Variants in TMEM132C observed in about 807,000 individuals in gnomAD.
TMEM132C encodes the protein transmembrane protein 132C.
A neutral mutation model predicts 61.4 loss-of-function variants in TMEM132C; 29 were observed. That is an observed-to-expected ratio of 0.47 (90% confidence interval 0.35 to 0.64). The LOEUF is 0.64. Among genes scored for constraint, TMEM132C ranks in the 30% least tolerant of loss-of-function variants. The pLI is 0.00. For missense variants in TMEM132C, 1,408 were observed against 1,476.9 expected (o/e 0.95, Z 0.76); for synonymous variants, 656 against 633.1 (o/e 1.04, Z -0.54).
chr12:128,300,046 A>G (rs1307575585), intron 1 of TMEM132C, among the ~76,000 whole-genome samples: 1 of 152,194 alleles, frequency 6.6e-6, no homozygotes, highest in Non-Finnish European at 1.5e-5. Flanking sequence ...AAAACTCAAG[A>G]CAGGTAAGAG....
At chr12:128,693,642 T>A (rs1269614528) in intron 5 of TMEM132C, among the ~76,000 whole-genome samples, 187 bp from the exon 6 acceptor site, 1 of 152,206 alleles carries the variant, frequency 6.6e-6, no homozygotes. Flanking sequence ...ATCTGCTCCT[T>A]CACCCCTGCT....
At position 128,557,508 on chromosome 12, in the gene TMEM132C, C is replaced by A. The variant is rs1391977878; in HGVS notation, c.1121+13405C>A. Among the ~76,000 whole-genome samples, 3 of 152,176 alleles carry A rather than the reference C, an allele frequency of 2.0e-5. No individual in the cohort carries two copies. In the East Asian group the frequency reaches 5.8e-4, roughly 29 times the overall value. On this transcript the variant is annotated intron_variant, in intron 3 of 8. Coordinates refer to ENST00000435159, the MANE Select transcript of TMEM132C (RefSeq NM_001136103.3). Reference sequence around the variant, plus strand: ...CAGAACTAATGTCTCGCCTTAGAGACCCTGCCTTACCAAGAGGCACAGGTG... The same window carrying A: ...CAGAACTAATGTCTCGCCTTAGAGAACCTGCCTTACCAAGAGGCACAGGTG...
At chr12:128,456,773 T>G (rs574871167) in intron 2 of TMEM132C, among the ~76,000 whole-genome samples, 1 of 152,232 alleles carries the variant, frequency 6.6e-6, no homozygotes, top group East Asian at 1.9e-4. Flanking sequence ...ATAGAACAAT[T>G]TCATTATTCC....
chr12:128,308,329 C>A (rs1325427168), intron 1 of TMEM132C, among the ~76,000 whole-genome samples: 3 of 150,796 alleles, frequency 2.0e-5, no homozygotes, highest in African/African-American at 7.3e-5. Context: ...TGAATCTTAT[C>A]AAACATATCA....
At chr12:128,544,198 G>A (rs1445928431) in intron 3 of TMEM132C, 95 bp downstream of exon 3, 13 of 1,403,262 alleles carry the variant, frequency 9.3e-6, no homozygotes, top group Admixed American at 3.2e-5. Context: ...CGCGTGAGCG[G>A]CTGCTCAGAG....
intron 1 of TMEM132C, among the ~76,000 whole-genome samples, chr12:128,395,850 A>C (rs1251588751): frequency 6.6e-6 from 1 of 152,176 alleles, no homozygotes; most frequent in Non-Finnish European, 1.5e-5. Context: ...ATTATGAGCC[A>C]GGATGGGAAG....
At chr12:128,696,405 A>C (rs1279901055) in intron 7 of TMEM132C, among the ~76,000 whole-genome samples, 2 of 152,012 alleles carry the variant, frequency 1.3e-5, no homozygotes, top group African/African-American at 4.8e-5. Flanking sequence ...ACACTTTTCT[A>C]ACTTTTTCCC....
At chr12:128,511,238 G>C (rs1489904089) in intron 2 of TMEM132C, among the ~76,000 whole-genome samples, 1 of 152,216 alleles carries the variant, frequency 6.6e-6, no homozygotes, top group African/African-American at 2.4e-5. Context: ...GAATGCAGCT[G>C]CTGTCATTCG....
chr12:128,654,645 G>A (rs1017183241), intron 4 of TMEM132C, among the ~76,000 whole-genome samples: 13 of 152,206 alleles, frequency 8.5e-5, no homozygotes, highest in African/African-American at 1.9e-4. Context: ...CAGGATCTCC[G>A]AGCTAACTAG....
rs1793397627 is a variant in TMEM132C at position 128,278,233 on chromosome 12, C to T, written c.85+10746C>T. On this transcript the variant is annotated intron_variant, in intron 1 of 8. Coordinates refer to ENST00000435159, the MANE Select transcript of TMEM132C (RefSeq NM_001136103.3). The surrounding 1 kb of genome is among the most constrained non-coding windows in gnomAD (Gnocchi z 4.2). ...CTGCTCCGGCTTTGTTCCCTCTTTC[C>T]TGCCTCCTAAATGGCAATAGGTTCT... Among the ~76,000 whole-genome samples, 1 of 152,286 alleles carries T rather than the reference C, an allele frequency of 6.6e-6. No individual in the cohort carries two copies. Among genetic ancestry groups the T allele is most frequent in the Admixed American group, 6.5e-5 (1 of 15,304 alleles).
intron 2 of TMEM132C, among the ~76,000 whole-genome samples, chr12:128,487,664 C>T (rs886835321): frequency 2.0e-5 from 3 of 150,624 alleles, no homozygotes; most frequent in African/African-American, 4.9e-5. Flanking sequence ...CAGGCACACA[C>T]GTGAAAGACG....
chr12:128,286,696 T>C (rs1293630617), intron 1 of TMEM132C, among the ~76,000 whole-genome samples: 2 of 152,160 alleles, frequency 1.3e-5, no homozygotes, highest in Non-Finnish European at 2.9e-5. Context: ...ATACTAGAAG[T>C]GGCTCAGTTT....
At chr12:128,545,853 C>A (rs1053631418) in intron 3 of TMEM132C, among the ~76,000 whole-genome samples, 1 of 152,110 alleles carries the variant, frequency 6.6e-6, no homozygotes, top group African/African-American at 2.4e-5. Context: ...GGATTCAAAA[C>A]GTAAGATTAT....
chr12:128,396,885 A>T (rs1339075627), intron 1 of TMEM132C, among the ~76,000 whole-genome samples: 1 of 152,184 alleles, frequency 6.6e-6, no homozygotes. Context: ...TGCTGTGTTC[A>T]GGCAGTTTAC....
intron 2 of TMEM132C, among the ~76,000 whole-genome samples, chr12:128,489,582 T>TATATATATATATATATATATATA (rs1565951312): frequency 2.0e-5 from 3 of 149,924 alleles, no homozygotes; most frequent in Admixed American, 1.3e-4. Context: ...TATATATATA[T>TATATATATATATATATATATATA]TCTGTCCACA....
At chr12:128,615,264 T>C (rs1418729848) in intron 3 of TMEM132C, among the ~76,000 whole-genome samples, 1 of 152,166 alleles carries the variant, frequency 6.6e-6, no homozygotes, top group East Asian at 1.9e-4. Context: ...ACCAGTTTCA[T>C]GGAAGACAAT....
intron 2 of TMEM132C, among the ~76,000 whole-genome samples, chr12:128,527,854 C>G (rs1354671428): frequency 6.6e-6 from 1 of 152,122 alleles, no homozygotes; most frequent in Non-Finnish European, 1.5e-5. Context: ...GGATCAACCA[C>G]TCACTCTTTC....
chr12:128,340,504 G>T (rs1318055479), intron 1 of TMEM132C, among the ~76,000 whole-genome samples: 1 of 151,828 alleles, frequency 6.6e-6, no homozygotes, highest in Non-Finnish European at 1.5e-5. Context: ...GTAAGACCAG[G>T]GTGATACATA....
At chr12:128,390,686 G>A (rs1874739195) in intron 1 of TMEM132C, among the ~76,000 whole-genome samples, 2 of 152,152 alleles carry the variant, frequency 1.3e-5, no homozygotes, top group Admixed American at 1.3e-4. Flanking sequence ...TGTCTACAGG[G>A]TTTTAGTTCA....
Sources: gnomAD v4.1 joint callset for allele counts (sites outside exome capture counted in the v4.1 genomes callset) on GRCh38, gnomAD v4.1.1 for gene constraint, Gnocchi (gnomAD v3.1) non-coding constraint, MANE v1.5 for transcripts, NCBI Gene and HGNC (gene_info 2026-07-23, HGNC 2026-07-21) for gene names.